The following SLC30A6 variants were observed in gnomAD, a reference collection of about 807,000 sequenced individuals.
The protein encoded by SLC30A6 is solute carrier family 30 member 6, also known as zinc transporter 6.
Under a neutral mutation model 63.0 loss-of-function variants are expected in SLC30A6, and 55 were observed. That is an observed-to-expected ratio of 0.87 (90% CI 0.70 to 1.09). The LOEUF (loss-of-function observed/expected upper bound fraction) is 1.09. Ranked by LOEUF, SLC30A6 falls within the 50% of genes least tolerant of loss-of-function variation. The pLI is 0.00. For synonymous variants in SLC30A6, 224 were observed against 186.1 expected (o/e 1.20, Z -1.66); for missense variants, 587 against 549.2 (o/e 1.07, Z -0.69).
rs561652625 is a variant in SLC30A6, at chr2:32,221,384, A to G, written c.*671A>G. 1.5e-4 allele frequency: 22 copies of G among 151,608 alleles called. No homozygotes were observed. Among genetic ancestry groups the G allele is most frequent in the African/African-American group, 4.9e-4 (20 of 41,154 alleles). The allele number at this position is 151,608 out of a possible 1,614,324, so 9.4% of individuals were successfully genotyped here. On this transcript the variant is annotated 3_prime_UTR_variant, in exon 14 of 14. Transcript: ENST00000282587. ...ACCATGTTGGCCAGGCTGGTCTTGA[A>G]CTCCTGACCTCATGATCCACCCACC... is the stretch of plus-strand genomic sequence containing the variant.
rs755291906 is a variant in SLC30A6, at chr2:32,193,881, C to G, written c.402-8C>G. On this transcript the variant is annotated splice_region_variant and splice_polypyrimidine_tract_variant and intron_variant, in intron 7 of 13. Transcript: ENST00000282587. ...ATTAAAGGTGAATGTTATCGTTGTTCTTTTTAGGGGAAGATTATTAGTTGG... is the reference window on the plus strand; with the variant it reads ...ATTAAAGGTGAATGTTATCGTTGTTGTTTTTAGGGGAAGATTATTAGTTGG... 6.2e-7 allele frequency: 1 copy of G among 1,606,732 alleles called. No individual in the cohort carries two copies. Among genetic ancestry groups the G allele is most frequent in the South Asian group, 1.1e-5 (1 of 90,528 alleles).
At chr2:32,191,078 A>G (rs540471569) in intron 5 of SLC30A6, among the ~76,000 whole-genome samples, 33 of 152,308 alleles carry the variant, frequency 2.2e-4, no homozygotes, top group African/African-American at 7.7e-4. Flanking sequence ...ACCTATTGAT[A>G]TCTGGTAGTA....
Position 32,220,661 on chromosome 2 carries a change from A to G in SLC30A6, c.1334A>G (p.Asn445Ser). 1 of 1,614,054 alleles carries G rather than the reference A, an allele frequency of 6.2e-7. No homozygotes were observed. The highest frequency in any genetic ancestry group is 1.1e-5 in the South Asian group (1 of 91,078). Residue 445 changes from asparagine (N) to serine (S), a missense_variant, in exon 14 of 14, where the codon AAT (asparagine) becomes AGT (serine). Asn to Ser is a conservative substitution (Grantham distance 46). Coordinates refer to ENST00000282587, the MANE Select transcript of SLC30A6 (RefSeq NM_017964.5). Reference sequence around the variant, plus strand: ...CAAGGATTGAGGACTGGTTTTACAAATATACCAAGTAGATATGGAACTAAT... The same window carrying G: ...CAAGGATTGAGGACTGGTTTTACAAGTATACCAAGTAGATATGGAACTAAT... ...ATQGLRTGFT[N>S]IPSRYGTNNR...
intron 10 of SLC30A6, among the ~76,000 whole-genome samples, chr2:32,198,812 G>A (rs750824899): frequency 6.6e-6 from 1 of 152,140 alleles, no homozygotes; most frequent in Non-Finnish European, 1.5e-5. Context: ...TTGAACTCCT[G>A]ACCTTAGGTG....
At chr2:32,190,005 G>A (rs1683187696) in intron 5 of SLC30A6, among the ~76,000 whole-genome samples, 2 of 152,122 alleles carry the variant, frequency 1.3e-5, no homozygotes, top group Non-Finnish European at 2.9e-5. Flanking sequence ...TGCCTATGTT[G>A]ATTAACCATT....
chr2:32,211,483 A>G (rs931712637), intron 13 of SLC30A6, among the ~76,000 whole-genome samples: 1 of 151,682 alleles, frequency 6.6e-6, no homozygotes, highest in East Asian at 1.9e-4. Flanking sequence ...TTTTCCTTTT[A>G]TATGTCACTT....
intron 7 of SLC30A6, 49 bp from the exon 8 acceptor site, chr2:32,193,840 A>G (rs1237980972): frequency 2.1e-6 from 3 of 1,463,370 alleles, no homozygotes; most frequent in East Asian, 4.6e-5. Flanking sequence ...TTACATACTG[A>G]TAATACCAAG....
At position 32,206,381 on chromosome 2, in the gene SLC30A6, G is replaced by A. The variant is rs1237282673; in HGVS notation, c.769-505G>A. 2.6e-5 allele frequency among the ~76,000 whole-genome samples: 4 copies of A among 151,554 alleles called. No homozygotes were observed. In the East Asian group the frequency reaches 5.9e-4, roughly 22 times the overall value. On this transcript the variant is annotated intron_variant, in intron 11 of 13. Transcript: ENST00000282587. ...GAGTGGCTTGAACCCGGGAGGCGGA[G>A]CTTGCAGTGAGCCAAGATTGCGCCA...
chr2:32,189,959 T>A (rs1683185044), intron 5 of SLC30A6, among the ~76,000 whole-genome samples: 1 of 152,122 alleles, frequency 6.6e-6, no homozygotes, highest in Admixed American at 6.5e-5. Flanking sequence ...TCATTGTGGT[T>A]TTAAGTTATT....
At chr2:32,203,831 A>AGAGGAGTGGTTG in intron 10 of SLC30A6, 1 of 1,421,046 alleles carries the variant, frequency 7.0e-7, no homozygotes, top group Non-Finnish European at 9.9e-7. Flanking sequence ...AATTCCAGAC[A>AGAGGAGTGGTTG]GAGGAGTGGT....
intron 4 of SLC30A6, among the ~76,000 whole-genome samples, chr2:32,181,720 G>T (rs1054586430): frequency 6.6e-6 from 1 of 151,936 alleles, no homozygotes; most frequent in Non-Finnish European, 1.5e-5. Context: ...ACCAAAAAAT[G>T]AGGTGGGCAT....
chr2:32,182,986 T>C (rs1394823651), intron 4 of SLC30A6, among the ~76,000 whole-genome samples: 1 of 152,036 alleles, frequency 6.6e-6, no homozygotes, highest in East Asian at 1.9e-4. Context: ...CAGGAGTTCC[T>C]GACCAGCCTG....
intron 10 of SLC30A6, 81 bp from the exon 11 acceptor site, chr2:32,204,509 A>G (rs1452223509): frequency 1.2e-6 from 1 of 857,154 alleles, no homozygotes; most frequent in East Asian, 2.8e-5. Flanking sequence ...GTTGCTTTAG[A>G]TAATTAATGT....
chr2:32,175,222 G>T, intron 3 of SLC30A6, 97 bp from the exon 4 acceptor site: 1 of 1,171,596 alleles, frequency 8.5e-7, no homozygotes, highest in Non-Finnish European at 1.2e-6. Context: ...AAGTTTTTTT[G>T]ATAATGGATA....
intron 8 of SLC30A6, 142 bp from the exon 9 acceptor site, chr2:32,197,202 A>G: frequency 2.9e-6 from 2 of 683,930 alleles, no homozygotes; most frequent in Non-Finnish European, 4.9e-6. Context: ...GGAAACATTT[A>G]TAGATTTGAG....
intron 10 of SLC30A6, chr2:32,202,170 T>C: frequency 2.6e-6 from 2 of 771,978 alleles, no homozygotes; most frequent in South Asian, 3.3e-5. Flanking sequence ...TTCTGAAAGG[T>C]TGAGGGGTAA....
At chr2:32,206,048 A>G (rs910911290) in intron 11 of SLC30A6, among the ~76,000 whole-genome samples, 2 of 152,028 alleles carry the variant, frequency 1.3e-5, no homozygotes, top group Non-Finnish European at 2.9e-5. Context: ...CTATTTTATT[A>G]TTTCCTGCCA....
chr2:32,203,529 C>G, intron 10 of SLC30A6: 1 of 1,606,414 alleles, frequency 6.2e-7, no homozygotes, highest in African/African-American at 1.3e-5. Context: ...GGCTTTGAAC[C>G]ACGATCTTTG....
chr2:32,169,679 G>A (rs530538163), intron 1 of SLC30A6, among the ~76,000 whole-genome samples: 3 of 152,144 alleles, frequency 2.0e-5, no homozygotes, highest in Admixed American at 6.5e-5. Context: ...CTCCTTCACC[G>A]CAGAATGGGG....
Sources: gnomAD v4.1 joint callset for allele counts (sites outside exome capture counted in the v4.1 genomes callset) on GRCh38, gnomAD v4.1.1 for gene constraint, MANE v1.5 for transcripts, NCBI Gene and HGNC (gene_info 2026-07-23, HGNC 2026-07-21) for gene names.